CTNNA2: variants seen among roughly 807,000 people sequenced by gnomAD.
CTNNA2 encodes the protein catenin alpha-2.
In CTNNA2, 42 loss-of-function variants were observed where a neutral mutation model predicts 101.0. The observed-to-expected ratio is 0.42, with a 90% CI of 0.32 to 0.54. CTNNA2 has a LOEUF of 0.54. CTNNA2 is among the 20% of genes least tolerant of loss of function. CTNNA2 has a pLI of 0.14. For missense variants in CTNNA2, 871 were observed against 1,223.1 expected (o/e 0.71, Z 4.29); for synonymous variants, 450 against 456.4 (o/e 0.99, Z 0.18).
intron 3 of CTNNA2, among the ~76,000 whole-genome samples, chr2:79,322,178 G>T (rs1347308): frequency 1.3e-5 from 2 of 152,064 alleles, no homozygotes; most frequent in Non-Finnish European, 2.9e-5. Context: ...CGAAGGAGAT[G>T]TCTTCAAAGG....
intron 2 of CTNNA2, among the ~76,000 whole-genome samples, chr2:79,237,926 A>G (rs1339116511): frequency 6.6e-6 from 1 of 152,216 alleles, no homozygotes; most frequent in African/African-American, 2.4e-5. Context: ...CATATCAACA[A>G]TAAGACTGTT....
chr2:80,113,851 TATTA>T (rs1354196711), intron 7 of CTNNA2, among the ~76,000 whole-genome samples: 36 of 152,258 alleles, frequency 2.4e-4, no homozygotes, highest in African/African-American at 8.4e-4. Flanking sequence ...GATTCTGGAA[TATTA>T]ATTCTGGATA....
chr2:79,507,938 A>G (rs952901039), intron 5 of CTNNA2, among the ~76,000 whole-genome samples: 3 of 152,264 alleles, frequency 2.0e-5, no homozygotes, highest in African/African-American at 7.2e-5. Flanking sequence ...TTTATTGTGG[A>G]AATCACTCTT....
chr2:79,885,412 C>T (rs182615526), intron 6 of CTNNA2, among the ~76,000 whole-genome samples: 1 of 152,278 alleles, frequency 6.6e-6, no homozygotes, highest in Admixed American at 6.5e-5. Context: ...GGCCATGGCC[C>T]AGAGTTCTGA....
intron 7 of CTNNA2, among the ~76,000 whole-genome samples, chr2:80,359,678 G>C (rs144116445): frequency 1.3e-5 from 2 of 152,192 alleles, no homozygotes; most frequent in African/African-American, 4.8e-5. Context: ...TATGCTTCTA[G>C]AGTTTGTGGA....
chr2:79,220,298 A>G (rs957049276), intron 2 of CTNNA2, among the ~76,000 whole-genome samples: 1 of 152,180 alleles, frequency 6.6e-6, no homozygotes, highest in African/African-American at 2.4e-5. Context: ...GGAACTAATT[A>G]AGAGATTGCT....
At chr2:79,677,416 T>G (rs1431234822) in intron 2 of CTNNA2, among the ~76,000 whole-genome samples, 2 of 152,040 alleles carry the variant, frequency 1.3e-5, no homozygotes, top group African/African-American at 4.8e-5. Context: ...GCTAAAGCCG[T>G]CCTAATCTTA....
chr2:80,554,089 G>T (rs1165705949), intron 11 of CTNNA2, among the ~76,000 whole-genome samples: 2 of 152,222 alleles, frequency 1.3e-5, no homozygotes, highest in East Asian at 3.9e-4. Context: ...CACTGTATGA[G>T]GTCAAAATGG....
At chr2:79,349,160 C>T (rs1368833374) in intron 3 of CTNNA2, among the ~76,000 whole-genome samples, 5 of 152,150 alleles carry the variant, frequency 3.3e-5, no homozygotes, top group African/African-American at 9.7e-5. Flanking sequence ...GGGTGATATG[C>T]AGGCAAGAGT....
chr2:80,619,292 G>T, intron 18 of CTNNA2, 64 bp downstream of exon 18: 2 of 1,366,212 alleles, frequency 1.5e-6, no homozygotes, highest in Non-Finnish European at 1.9e-6. Context: ...AAGGCAGGGG[G>T]GATTGGATTT....
intron 3 of CTNNA2, among the ~76,000 whole-genome samples, chr2:79,775,426 G>C (rs376925958): frequency 7.2e-5 from 11 of 152,112 alleles, no homozygotes; most frequent in African/African-American, 1.9e-4. Flanking sequence ...AAAATACAAA[G>C]GATCAAAGCA....
intron 2 of CTNNA2, among the ~76,000 whole-genome samples, chr2:79,295,008 TGTGTGTATTTGTGTATGC>T (rs149000956): frequency 0.17 from 25,548 of 151,292 alleles, 2,950 homozygotes; most frequent in African/African-American, 0.34. Context: ...TGTGTGTGTG[TGTGTGTATTTGTGTATGC>T]GTGTGTGTAT....
At chr2:80,383,035 T>C (rs1676658343) in intron 7 of CTNNA2, among the ~76,000 whole-genome samples, 1 of 152,204 alleles carries the variant, frequency 6.6e-6, no homozygotes, top group Admixed American at 6.5e-5. Flanking sequence ...GCTCAGTTCA[T>C]GGTCTCTTGC....
intron 6 of CTNNA2, among the ~76,000 whole-genome samples, chr2:79,905,181 T>A (rs564055358): frequency 6.6e-6 from 1 of 151,998 alleles, no homozygotes; most frequent in Admixed American, 6.6e-5. Context: ...GAGATGTTAA[T>A]AAAAATAAGT....
chr2:79,598,430 A>C (rs62140070), intron 1 of CTNNA2, among the ~76,000 whole-genome samples: 7,097 of 152,300 alleles, frequency 0.047, 229 homozygotes, highest in Non-Finnish European at 0.067. Flanking sequence ...TTCCACCAGC[A>C]ATGAATGAGA....
intron 15 of CTNNA2, among the ~76,000 whole-genome samples, chr2:80,594,333 G>T: frequency 1.3e-5 from 2 of 151,626 alleles, no homozygotes; most frequent in South Asian, 2.1e-4. Context: ...TTTTTAGTTG[G>T]GTTGTTTGTT....
At chr2:80,460,351 T>C (rs1684324010) in intron 9 of CTNNA2, among the ~76,000 whole-genome samples, 1 of 152,142 alleles carries the variant, frequency 6.6e-6, no homozygotes, top group South Asian at 2.1e-4. Flanking sequence ...CTATATCTTG[T>C]TCATTTCTTA....
chr2:79,541,382 A>G (rs1173402156), intron 1 of CTNNA2, among the ~76,000 whole-genome samples: 1 of 148,710 alleles, frequency 6.7e-6, no homozygotes, highest in Admixed American at 6.8e-5. Context: ...ATAAATACAT[A>G]CATATACTTG....
chr2:80,354,994 A>G (rs1313580128), intron 7 of CTNNA2, among the ~76,000 whole-genome samples: 3 of 151,980 alleles, frequency 2.0e-5, no homozygotes, highest in Non-Finnish European at 4.4e-5. Context: ...GGTAGGATTC[A>G]TGGTGTTTAT....
Sources: gnomAD v4.1 joint callset for allele counts (sites outside exome capture counted in the v4.1 genomes callset) on GRCh38, gnomAD v4.1.1 for gene constraint, MANE v1.5 for transcripts, NCBI Gene and HGNC (gene_info 2026-07-23, HGNC 2026-07-21) for gene names.